PPP2R5E: variants seen among roughly 807,000 people sequenced by gnomAD.
PPP2R5E encodes the protein protein phosphatase 2 regulatory subunit B'epsilon.
PPP2R5E carries 4 observed loss-of-function variants against 65.3 expected under a neutral mutation model. That is an observed-to-expected ratio of 0.06 (90% CI 0.03 to 0.14). PPP2R5E has a LOEUF of 0.14. Among genes scored for constraint, PPP2R5E ranks in the 10% least tolerant of loss-of-function variants. The pLI, the probability that PPP2R5E is intolerant of heterozygous loss-of-function variation, is 1.00. For missense variants in PPP2R5E, 274 were observed against 556.1 expected, an observed-to-expected ratio of 0.49 and a Z score of 5.10; for synonymous variants, 183 against 187.4, an observed-to-expected ratio of 0.98 and a Z score of 0.19.
In PPP2R5E at chr14:63,533,896, G is replaced by A. The variant is rs535234201; in HGVS notation, c.157+5633C>T. Among the ~76,000 whole-genome samples the A allele has an allele frequency of 1.3e-3, 204 of 152,260 alleles. 1 individual carries two copies. Among genetic ancestry groups the A allele is most frequent in the Non-Finnish European group, 2.2e-3 (150 of 68,010 alleles). On this transcript the variant is annotated intron_variant, in intron 2 of 13. Transcript: ENST00000337537. ...TGGGAGGCAGAGGTTGCAGTGAGCC[G>A]AGATTGCGCCACTGCACTCCAGCCT...
At chr14:63,404,680 G>T (rs1431966643) in intron 5 of PPP2R5E, among the ~76,000 whole-genome samples, 2 of 152,224 alleles carry the variant, frequency 1.3e-5, no homozygotes, top group Admixed American at 1.3e-4. Flanking sequence ...ACTTTCGAAA[G>T]TGTAAGGCGT....
chr14:63,386,767 C>G (rs748438634), intron 11 of PPP2R5E, among the ~76,000 whole-genome samples: 3 of 151,744 alleles, frequency 2.0e-5, no homozygotes, highest in Non-Finnish European at 4.4e-5. Context: ...CTACTAAAAA[C>G]ATAAAAATTA....
chr14:63,403,166 C>T (rs188991067), intron 5 of PPP2R5E, among the ~76,000 whole-genome samples: 1 of 152,204 alleles, frequency 6.6e-6, no homozygotes, highest in East Asian at 1.9e-4. Context: ...GTGGCTCACG[C>T]CTGTAATCCC....
chr14:63,541,824 A>C (rs1271604898), intron 1 of PPP2R5E, among the ~76,000 whole-genome samples: 2 of 149,642 alleles, frequency 1.3e-5, no homozygotes, highest in Non-Finnish European at 3.0e-5. Context: ...GTTTTCTTTA[A>C]AAAAAAAAAA....
chr14:63,383,071 G>A (rs1354769875), intron 12 of PPP2R5E, among the ~76,000 whole-genome samples: 2 of 152,166 alleles, frequency 1.3e-5, no homozygotes, highest in African/African-American at 4.8e-5. Context: ...GGCAAGCTGG[G>A]ATGGTTGCTA....
At chr14:63,403,741 T>G (rs978319653) in intron 5 of PPP2R5E, among the ~76,000 whole-genome samples, 2 of 149,144 alleles carry the variant, frequency 1.3e-5, no homozygotes, top group African/African-American at 2.5e-5. Context: ...TAGTGATGAA[T>G]ACACAGGAAA....
intron 2 of PPP2R5E, among the ~76,000 whole-genome samples, chr14:63,527,566 C>A (rs1465202972): frequency 6.6e-6 from 1 of 152,166 alleles, no homozygotes; most frequent in Non-Finnish European, 1.5e-5. Context: ...TACCTGCCTT[C>A]TGGAATTTAA....
chr14:63,392,602 T>C (rs545627680), intron 8 of PPP2R5E, among the ~76,000 whole-genome samples: 3 of 152,338 alleles, frequency 2.0e-5, no homozygotes, highest in South Asian at 2.1e-4. Context: ...ATAATAATCA[T>C]GAAATATGAT....
intron 2 of PPP2R5E, among the ~76,000 whole-genome samples, chr14:63,512,997 A>AC (rs35922783): frequency 1.7e-4 from 26 of 151,342 alleles, no homozygotes; most frequent in African/African-American, 6.1e-4. Context: ...CCACCCCCCT[A>AC]CCCCCCACCA....
chr14:63,400,103 C>T (rs1885660261), intron 5 of PPP2R5E, among the ~76,000 whole-genome samples: 1 of 152,062 alleles, frequency 6.6e-6, no homozygotes, highest in South Asian at 2.1e-4. Context: ...ATCCACCATC[C>T]ATCTATCATT....
At chr14:63,389,387 T>C (rs1322464360) in intron 11 of PPP2R5E, among the ~76,000 whole-genome samples, 1 of 152,060 alleles carries the variant, frequency 6.6e-6, no homozygotes, top group East Asian at 1.9e-4. Flanking sequence ...AATGCCCTCC[T>C]TGCAGGGTGT....
chr14:63,399,077 G>A (rs1253136626), intron 5 of PPP2R5E, among the ~76,000 whole-genome samples: 1 of 152,170 alleles, frequency 6.6e-6, no homozygotes, highest in African/African-American at 2.4e-5. Context: ...AGATGTTCAT[G>A]GGAGCAATAT....
At chr14:63,519,953 C>T (rs1021405464) in intron 2 of PPP2R5E, among the ~76,000 whole-genome samples, 1 of 151,606 alleles carries the variant, frequency 6.6e-6, no homozygotes, top group African/African-American at 2.4e-5. Flanking sequence ...AGCCACCACG[C>T]CTAGCTCCTA....
intron 13 of PPP2R5E, among the ~76,000 whole-genome samples, chr14:63,381,658 C>T (rs1884367543): frequency 6.6e-6 from 1 of 152,160 alleles, no homozygotes. Context: ...CAAATAACAA[C>T]ATTTCGGTCA....
Position 63,538,893 on chromosome 14 carries a change from C to T in PPP2R5E, c.157+636G>A, listed in dbSNP as rs1893778200. ...CCAGGAGGTGGAGGTTGCTGTGAAC[C>T]AGCCTGAGCAACAGAGGGAGACTCT... is the stretch of plus-strand genomic sequence containing the variant. On this transcript the variant is annotated intron_variant, in intron 2 of 13. Transcript: ENST00000337537. Among the ~76,000 whole-genome samples, 4 of 151,892 alleles carry T rather than the reference C, an allele frequency of 2.6e-5. No individual in the cohort carries two copies. In the South Asian group the frequency reaches 8.3e-4, roughly 32 times the overall value.
intron 4 of PPP2R5E, among the ~76,000 whole-genome samples, chr14:63,417,431 CTGAATAATCATAGTT>C (rs1390452524): frequency 6.7e-6 from 1 of 149,752 alleles, no homozygotes; most frequent in Non-Finnish European, 1.5e-5. Context: ...ATACCCAAGC[CTGAATAATCATAGTT>C]TGTTAGTCAT....
intron 3 of PPP2R5E, among the ~76,000 whole-genome samples, chr14:63,441,569 T>C (rs1398771337): frequency 6.6e-6 from 1 of 152,238 alleles, no homozygotes; most frequent in African/African-American, 2.4e-5. Context: ...TTGAGTCACA[T>C]GTACCTTTGA....
chr14:63,516,200 G>A (rs1892665346), intron 2 of PPP2R5E, among the ~76,000 whole-genome samples: 2 of 152,074 alleles, frequency 1.3e-5, no homozygotes, highest in Non-Finnish European at 2.9e-5. Flanking sequence ...CCACAAGGGT[G>A]AATACATTTT....
At chr14:63,416,783 C>G (rs943973238) in intron 4 of PPP2R5E, among the ~76,000 whole-genome samples, 1 of 151,300 alleles carries the variant, frequency 6.6e-6, no homozygotes, top group Non-Finnish European at 1.5e-5. Flanking sequence ...TTTTATAAAT[C>G]TCTTTAATAT....
Sources: allele counts gnomAD v4.1 joint callset (sites outside exome capture counted in the v4.1 genomes callset), GRCh38; gene constraint gnomAD v4.1.1; transcripts MANE v1.5; gene names NCBI Gene and HGNC (gene_info 2026-07-23, HGNC 2026-07-21).